The following TPST1 variants were observed in gnomAD, a reference collection of about 807,000 sequenced individuals.
TPST1 encodes protein-tyrosine sulfotransferase 1.
A neutral mutation model predicts 34.8 loss-of-function variants in TPST1; 20 were observed. That is an observed-to-expected ratio of 0.57 (90% confidence interval 0.40 to 0.84). TPST1 has a LOEUF of 0.84. Ranked by LOEUF, TPST1 falls within the 40% of genes least tolerant of loss-of-function variation. The probability of loss-of-function intolerance (pLI) is 0.00; values close to 1 mark genes in which losing one functional copy is unlikely to be tolerated. For synonymous variants in TPST1, 152 were observed against 159.4 expected (o/e 0.95, Z 0.35); for missense variants, 353 against 455.5 (o/e 0.78, Z 2.05).
intron 2 of TPST1, among the ~76,000 whole-genome samples, chr7:66,272,714 G>A (rs1448097620): frequency 6.6e-6 from 1 of 151,714 alleles, no homozygotes; most frequent in African/African-American, 2.4e-5. Context: ...AGCCTCCCAA[G>A]TAGCTGGGAC....
In TPST1 at chr7:66,240,331, GTT is replaced by G; in HGVS notation, c.-94_-93del. 2 of 1,431,542 alleles carry G rather than the reference GTT, an allele frequency of 1.4e-6. No homozygotes were observed. Among genetic ancestry groups the G allele is most frequent in the Non-Finnish European group, 1.9e-6 (2 of 1,074,332 alleles). 88.7% of individuals were successfully genotyped at this position (1,431,542 alleles called of 1,614,324 possible). On this transcript the variant is annotated 5_prime_UTR_variant, in exon 2 of 6. An upstream open reading frame in the 5' UTR gains an earlier in-frame stop. Coordinates refer to ENST00000304842, the MANE Select transcript of TPST1 (RefSeq NM_003596.4). ...CTTTTCCTTTCTCTACTAGATGTTGGTTATCTTTCTGAAGTAGACTGTCCATG... is the reference window on the plus strand; with the variant it reads ...CTTTTCCTTTCTCTACTAGATGTTGGATCTTTCTGAAGTAGACTGTCCATG...
At chr7:66,338,241 G>A (rs1277637653) in intron 3 of TPST1, among the ~76,000 whole-genome samples, 1 of 151,974 alleles carries the variant, frequency 6.6e-6, no homozygotes, top group Non-Finnish European at 1.5e-5. Context: ...AAAAGACAAG[G>A]CCATTATATA....
In TPST1 at chr7:66,307,899, G is replaced by A. The variant is rs568752112; in HGVS notation, c.1044+21190G>A. Among the ~76,000 whole-genome samples, 23 of 152,274 alleles carry A rather than the reference G, an allele frequency of 1.5e-4. 1 individual carries two copies. In the South Asian group the frequency reaches 2.7e-3, roughly 18 times the overall value. ...CCTCCTCTGCTGAGATTATACATTG[G>A]TCATCATTTACATGGGACACAAATA... is the stretch of plus-strand genomic sequence containing the variant. On this transcript the variant is annotated intron_variant, in intron 3 of 5. Coordinates refer to ENST00000304842, the MANE Select transcript of TPST1 (RefSeq NM_003596.4).
At chr7:66,329,323 C>T (rs950773297) in intron 3 of TPST1, among the ~76,000 whole-genome samples, 2 of 151,932 alleles carry the variant, frequency 1.3e-5, no homozygotes, top group African/African-American at 4.8e-5. Context: ...ATAGAGAAAC[C>T]TGGAAAGAAT....
intron 1 of TPST1, among the ~76,000 whole-genome samples, chr7:66,222,295 G>A (rs1161477097): frequency 2.0e-5 from 3 of 151,830 alleles, no homozygotes; most frequent in African/African-American, 7.3e-5. Context: ...TGAGGCAGGA[G>A]AATGGCATGA....
intron 3 of TPST1, among the ~76,000 whole-genome samples, chr7:66,348,574 AT>A (rs1321969338): frequency 6.6e-6 from 1 of 152,218 alleles, no homozygotes; most frequent in African/African-American, 2.4e-5. Context: ...TTGTAGAAAC[AT>A]TTGGCTTCTG....
intron 3 of TPST1, among the ~76,000 whole-genome samples, chr7:66,307,339 C>T (rs564230342): frequency 4.0e-5 from 6 of 151,150 alleles, no homozygotes; most frequent in African/African-American, 7.3e-5. Context: ...AGGATGGTCT[C>T]GATCTCTTGA....
chr7:66,352,615 ATTTT>A, intron 4 of TPST1, 60 bp downstream of exon 4: 1 of 1,578,690 alleles, frequency 6.3e-7, no homozygotes, highest in Non-Finnish European at 8.5e-7. Context: ...TTGAAGTAAT[ATTTT>A]TAAAGAGATA....
At chr7:66,299,503 G>A (rs1791271664) in intron 3 of TPST1, among the ~76,000 whole-genome samples, 1 of 151,562 alleles carries the variant, frequency 6.6e-6, no homozygotes, top group Non-Finnish European at 1.5e-5. Context: ...TTCTTTGACT[G>A]CTATAAGATT....
chr7:66,199,454 C>T, the TPST1 span, among the ~76,000 whole-genome samples: 1 of 151,822 alleles, frequency 6.6e-6, no homozygotes, highest in African/African-American at 2.4e-5. Flanking sequence ...ACCACCACAC[C>T]CAGCTAATTT....
the TPST1 span, among the ~76,000 whole-genome samples, chr7:66,199,446 C>G: frequency 4.6e-5 from 7 of 151,850 alleles, no homozygotes; most frequent in African/African-American, 1.5e-4. Flanking sequence ...AGGTGCCCAC[C>G]ACCACACCCA....
intron 3 of TPST1, among the ~76,000 whole-genome samples, chr7:66,295,837 C>T (rs978186820): frequency 1.3e-5 from 2 of 151,926 alleles, no homozygotes; most frequent in East Asian, 1.9e-4. Flanking sequence ...GTTAGGGTTT[C>T]GTTGTGTTGG....
At chr7:66,353,358 A>G (rs1489064477) in intron 4 of TPST1, among the ~76,000 whole-genome samples, 2 of 152,120 alleles carry the variant, frequency 1.3e-5, no homozygotes, top group Non-Finnish European at 2.9e-5. Flanking sequence ...GGTCCCAGCT[A>G]CTTGGGAGGC....
intron 2 of TPST1, among the ~76,000 whole-genome samples, chr7:66,269,430 A>G (rs1373544285): frequency 6.6e-6 from 1 of 152,236 alleles, no homozygotes. Context: ...TCAGCAACAA[A>G]AGAATAGTTC....
chr7:66,207,972 C>CT (rs946983563), intron 1 of TPST1, among the ~76,000 whole-genome samples: 8 of 149,464 alleles, frequency 5.4e-5, no homozygotes, highest in African/African-American at 7.4e-5. Flanking sequence ...TTCATAACAT[C>CT]TTTTTTTTTT....
intron 3 of TPST1, among the ~76,000 whole-genome samples, chr7:66,300,829 C>T (rs1329441653): frequency 6.6e-6 from 1 of 151,882 alleles, no homozygotes; most frequent in South Asian, 2.1e-4. Flanking sequence ...GTGTGTAATC[C>T]CAGCCACTCA....
intron 3 of TPST1, among the ~76,000 whole-genome samples, chr7:66,337,561 G>A (rs1023375264): frequency 1.6e-4 from 25 of 151,898 alleles, no homozygotes; most frequent in African/African-American, 4.6e-4. Flanking sequence ...CGCCCATCTC[G>A]GCCTCCTGAA....
At chr7:66,333,667 T>C (rs192596816) in intron 3 of TPST1, among the ~76,000 whole-genome samples, 1 of 152,322 alleles carries the variant, frequency 6.6e-6, no homozygotes, top group East Asian at 1.9e-4. Flanking sequence ...TTGCACAACA[T>C]AGAATTTGTT....
chr7:66,302,715 G>C (rs1421075292), intron 3 of TPST1, among the ~76,000 whole-genome samples: 1 of 152,148 alleles, frequency 6.6e-6, no homozygotes, highest in Non-Finnish European at 1.5e-5. Flanking sequence ...CCAGAAATTG[G>C]CTCAGTTAGA....
Sources: gnomAD v4.1 joint callset for allele counts (sites outside exome capture counted in the v4.1 genomes callset) on GRCh38, gnomAD v4.1.1 for gene constraint, MANE v1.5 for transcripts, NCBI Gene and HGNC (gene_info 2026-07-23, HGNC 2026-07-21) for gene names.